RPS6KA2: variants seen among roughly 807,000 people sequenced by gnomAD.
RPS6KA2 encodes the protein ribosomal protein S6 kinase A2.
RPS6KA2 carries 42 observed loss-of-function variants against 91.8 expected under a neutral mutation model. That is an observed-to-expected ratio of 0.46 (90% CI 0.36 to 0.59). RPS6KA2 has a LOEUF of 0.59. Ranked by LOEUF, RPS6KA2 falls within the 20% of genes least tolerant of loss-of-function variation. The probability of loss-of-function intolerance (pLI) is 0.00; values close to 1 mark genes in which losing one functional copy is unlikely to be tolerated. For synonymous variants in RPS6KA2, 414 were observed against 393.6 expected, an observed-to-expected ratio of 1.05 and a Z score of -0.61; for missense variants, 798 against 978.5, an observed-to-expected ratio of 0.82 and a Z score of 2.46.
chr6:166,478,066 AG>A (rs1781044778), intron 10 of RPS6KA2, among the ~76,000 whole-genome samples: 1 of 152,106 alleles, frequency 6.6e-6, no homozygotes, highest in Non-Finnish European at 1.5e-5. Context: ...TTCCAGGGGG[AG>A]GCCAAGCAGG....
intron 1 of RPS6KA2, among the ~76,000 whole-genome samples, chr6:166,622,065 C>G (rs1786656477): frequency 6.6e-6 from 1 of 152,112 alleles, no homozygotes; most frequent in Admixed American, 6.5e-5. Flanking sequence ...CCACTTCATT[C>G]TTCTACTTCT....
At chr6:166,854,267 G>A (rs1279326483) in intron 2 of RPS6KA2, among the ~76,000 whole-genome samples, 7 of 152,132 alleles carry the variant, frequency 4.6e-5, no homozygotes, top group Non-Finnish European at 7.4e-5. Flanking sequence ...AGCTTCACAC[G>A]GGACCTTCAC....
chr6:166,780,636 A>G (rs1778745046), intron 2 of RPS6KA2, among the ~76,000 whole-genome samples: 1 of 152,200 alleles, frequency 6.6e-6, no homozygotes, highest in African/African-American at 2.4e-5. Flanking sequence ...AACATCATTC[A>G]GTGTTTAACC....
chr6:166,640,602 G>C (rs548799702), intron 2 of RPS6KA2, among the ~76,000 whole-genome samples: 1 of 152,262 alleles, frequency 6.6e-6, no homozygotes, highest in South Asian at 2.1e-4. Flanking sequence ...GAGCCTTCCC[G>C]GAACACATGA....
chr6:166,681,325 T>C (rs1002714803), intron 2 of RPS6KA2, among the ~76,000 whole-genome samples: 8 of 152,176 alleles, frequency 5.3e-5, no homozygotes, highest in Non-Finnish European at 8.8e-5. Flanking sequence ...GATGCTTATT[T>C]CCCAAGAAAA....
chr6:166,671,111 C>T (rs1173056103), intron 2 of RPS6KA2, among the ~76,000 whole-genome samples: 2 of 152,186 alleles, frequency 1.3e-5, no homozygotes, highest in Non-Finnish European at 2.9e-5. Flanking sequence ...CCATGCCTGG[C>T]CCCAACATGT....
rs915917547 is a variant in RPS6KA2, at chr6:166,494,769, C to G, written c.747+3739G>C. On this transcript the variant is annotated intron_variant, in intron 8 of 20. Coordinates refer to ENST00000265678, the MANE Select transcript of RPS6KA2 (RefSeq NM_021135.6). This position sits in a 1 kb window ranked among gnomAD's most constrained non-coding sequence, Gnocchi z 5.1. ...GAGGGCACTTGTGGATGCTGCTCCT[C>G]GGGAAGAGATCCCAGCACACATCCA... Among the ~76,000 whole-genome samples, 1 of 152,178 alleles carries G rather than the reference C, an allele frequency of 6.6e-6. No individual in the cohort carries two copies. Among genetic ancestry groups the G allele is most frequent in the Non-Finnish European group, 1.5e-5 (1 of 68,020 alleles).
rs553046816 is a variant in RPS6KA2 at position 166,604,210 on chromosome 6, A to C, written c.99+22711T>G. The stretch of plus-strand genomic sequence containing the variant: ...TCTGCATGGAGATGTGACGGGGACA[A>C]ATGATCTGGGAAATCATTGTTTTCG... On this transcript the variant is annotated intron_variant, in intron 1 of 20. Transcript: ENST00000265678. 6.1e-4 allele frequency among the ~76,000 whole-genome samples: 93 copies of C among 152,312 alleles called. 1 individual carries two copies. Among genetic ancestry groups the C allele is most frequent in the African/African-American group, 2.2e-3 (91 of 41,564 alleles).
Position 166,423,283 on chromosome 6 carries a change from G to C in RPS6KA2, c.1716C>G (p.Cys572Trp). The change falls in exon 17 of 21, where the codon TGC (cysteine) becomes TGG (tryptophan). Residue 572 changes from cysteine (C) to tryptophan (W), a missense_variant. Cys to Trp is a radical substitution (Grantham distance 215). Transcript: ENST00000265678. This position sits in a 1 kb window ranked among gnomAD's most constrained non-coding sequence, Gnocchi z 4.8. Reference sequence around the variant, plus strand: ...CCGGGGCCACGAAATTGGCCGTGTAGCAGGGTGTCATGAGCAGCCCGTTCC... The same window carrying C: ...CCGGGGCCACGAAATTGGCCGTGTACCAGGGTGTCATGAGCAGCCCGTTCC... ...RAGNGLLMTP[C>W]YTANFVAPEV... is the part of the protein sequence containing the mutation. The C allele has an allele frequency of 6.2e-7, 1 of 1,613,672 alleles. No individual in the cohort carries two copies. Among genetic ancestry groups the C allele is most frequent in the Non-Finnish European group, 8.5e-7 (1 of 1,179,756 alleles).
At position 166,828,378 on chromosome 6, in the gene RPS6KA2, C is replaced by T. The variant is rs562628074; in HGVS notation, c.123+29822G>A. Among the ~76,000 whole-genome samples, 13 of 152,370 alleles carry T rather than the reference C, an allele frequency of 8.5e-5. No individual in the cohort carries two copies. In the East Asian group the frequency reaches 1.2e-3, roughly 14 times the overall value. On this transcript the variant is annotated intron_variant, in intron 2 of 21. Transcript: ENST00000503859. The stretch of plus-strand genomic sequence containing the variant: ...GGACAGAATTCAGGCAAGACTGCCA[C>T]GCCAGTCCCCAGTGCTAAATGACAA...
intron 10 of RPS6KA2, among the ~76,000 whole-genome samples, chr6:166,480,515 A>ATATATATATATATATATATAT (rs1438315609): frequency 1.2e-5 from 1 of 84,366 alleles, no homozygotes; most frequent in African/African-American, 6.1e-5. Context: ...ATATATATAT[A>ATATATATATATATATATATAT]ATATATTTTT....
rs1305528918 is a variant in RPS6KA2 at position 166,409,773 on chromosome 6, G to A, written c.*2989C>T. On this transcript the variant is annotated 3_prime_UTR_variant, in exon 21 of 21. Transcript: ENST00000265678. ...GAGTGCAAATCAAACTTTGCCATGT[G>A]CTTGAGAGAATCAGTAAAGCGTTAG... is the stretch of plus-strand genomic sequence containing the variant. 1.3e-5 allele frequency: 2 copies of A among 152,644 alleles called. No individual in the cohort carries two copies. The highest frequency in any genetic ancestry group is 3.8e-4 in the East Asian group (2 of 5,204). The allele number at this position is 152,644 out of a possible 1,614,324, so 9.5% of individuals were successfully genotyped here.
intron 2 of RPS6KA2, among the ~76,000 whole-genome samples, chr6:166,642,560 G>A (rs1787477323): frequency 6.6e-6 from 1 of 152,206 alleles, no homozygotes; most frequent in Admixed American, 6.5e-5. Context: ...AAGATAAAGA[G>A]GCTTGATTAC....
chr6:166,752,373 C>T (rs1043684106), intron 2 of RPS6KA2, among the ~76,000 whole-genome samples: 13 of 152,044 alleles, frequency 8.6e-5, no homozygotes, highest in South Asian at 2.1e-4. Context: ...CAACAGCGAG[C>T]GGACACACTG....
intron 2 of RPS6KA2, among the ~76,000 whole-genome samples, chr6:166,809,634 G>C (rs1288052761): frequency 6.6e-6 from 1 of 152,236 alleles, no homozygotes; most frequent in Non-Finnish European, 1.5e-5. Flanking sequence ...GAACATCAGT[G>C]AGACACCACT....
intron 11 of RPS6KA2, among the ~76,000 whole-genome samples, chr6:166,468,856 T>TCCGTCTC (rs567161437): frequency 1.8e-5 from 2 of 112,182 alleles, no homozygotes; most frequent in Non-Finnish European, 1.8e-5. Flanking sequence ...AGAGCGAGAC[T>TCCGTCTC]AAAAAAAAAA....
At chr6:166,716,050 A>G (rs1790002424) in intron 2 of RPS6KA2, among the ~76,000 whole-genome samples, 1 of 93,620 alleles carries the variant, frequency 1.1e-5, no homozygotes, top group Non-Finnish European at 2.0e-5. Flanking sequence ...AAAAAAAAAA[A>G]AAAAAAAAAA....
intron 2 of RPS6KA2, among the ~76,000 whole-genome samples, chr6:166,715,197 G>A (rs1253715238): frequency 6.6e-6 from 1 of 152,264 alleles, no homozygotes; most frequent in Non-Finnish European, 1.5e-5. Flanking sequence ...GCCCAGCACA[G>A]CCCCTCCTGG....
chr6:166,675,230 G>A (rs1007833378), intron 2 of RPS6KA2, among the ~76,000 whole-genome samples: 1 of 152,188 alleles, frequency 6.6e-6, no homozygotes, highest in African/African-American at 2.4e-5. Context: ...CCAAAGGGAA[G>A]AGGGTCTCTC....
Sources: gnomAD v4.1 joint callset for allele counts (sites outside exome capture counted in the v4.1 genomes callset) on GRCh38, gnomAD v4.1.1 for gene constraint, Gnocchi (gnomAD v3.1) non-coding constraint, MANE v1.5 for transcripts, NCBI Gene and HGNC (gene_info 2026-07-23, HGNC 2026-07-21) for gene names.